The following MEGF11 variants were observed in gnomAD, a reference collection of about 807,000 sequenced individuals.
MEGF11 encodes multiple EGF like domains 11, also known as multiple epidermal growth factor-like domains protein 11.
Under a neutral mutation model 146.6 loss-of-function variants are expected in MEGF11, and 126 were observed. The ratio of observed to expected loss-of-function variants is 0.86; its 90% confidence interval spans 0.74 to 1.00. MEGF11 has a LOEUF of 1.00. Among genes scored for constraint, MEGF11 ranks in the 50% least tolerant of loss-of-function variants. The pLI is 0.00. For synonymous variants in MEGF11, 532 were observed against 583.4 expected (o/e 0.91, Z 1.27); for missense variants, 1,509 against 1,521.2 (o/e 0.99, Z 0.13).
intron 5 of MEGF11, among the ~76,000 whole-genome samples, chr15:66,062,281 T>C (rs1338556331): frequency 1.3e-5 from 2 of 152,252 alleles, no homozygotes; most frequent in East Asian, 1.9e-4. Flanking sequence ...TAATAGAATA[T>C]GGCAAAGATG....
At chr15:65,910,155 A>T (rs919307611) in intron 21 of MEGF11, among the ~76,000 whole-genome samples, 9 of 152,128 alleles carry the variant, frequency 5.9e-5, no homozygotes, top group African/African-American at 2.2e-4. Flanking sequence ...CAGCTGCAAC[A>T]TGAGGCCATC....
At chr15:66,105,185 C>A (rs2087007615) in intron 4 of MEGF11, among the ~76,000 whole-genome samples, 1 of 152,130 alleles carries the variant, frequency 6.6e-6, no homozygotes, top group Non-Finnish European at 1.5e-5. Context: ...AGGGCGGCCA[C>A]TCCTACAAAG....
Position 65,982,535 on chromosome 15 carries a change from C to A in MEGF11, c.395-47G>T. ...GGGATCAGGAGCCCCGAAGGCTCTC[C>A]TTGGGGCAGGGGCCAGGAACCGATG... On this transcript the variant is annotated intron_variant, in intron 5 of 25. Coordinates refer to ENST00000395614, the MANE Select transcript of MEGF11 (RefSeq NM_001385028.1). This position sits in a 1 kb window ranked among gnomAD's most constrained non-coding sequence, Gnocchi z 5.6. 7.0e-7 allele frequency: 1 copy of A among 1,431,996 alleles called. No individual in the cohort carries two copies. Among genetic ancestry groups the A allele is most frequent in the Admixed American group, 2.8e-5 (1 of 35,328 alleles). 88.7% of individuals were successfully genotyped at this position (1,431,996 alleles called of 1,614,324 possible). A position where few individuals can be genotyped will look rare whatever the true frequency, so the allele number is the denominator to read the frequency against.
intron 5 of MEGF11, among the ~76,000 whole-genome samples, chr15:66,003,998 AG>A (rs2082444762): frequency 6.6e-6 from 1 of 152,160 alleles, no homozygotes; most frequent in South Asian, 2.1e-4. Flanking sequence ...CATATGGAAA[AG>A]GGGGTAGGCT....
chr15:66,085,183 A>C (rs62011841), intron 5 of MEGF11, among the ~76,000 whole-genome samples: 15,204 of 152,116 alleles, frequency 0.1, 854 homozygotes, highest in Middle Eastern at 0.17. Context: ...TCTGCCCAAG[A>C]AGAGTCTGAG....
At chr15:66,229,739 CAA>C (rs1217927560) in intron 1 of MEGF11, among the ~76,000 whole-genome samples, 3 of 140,396 alleles carry the variant, frequency 2.1e-5, no homozygotes, top group African/African-American at 8.0e-5. Flanking sequence ...AAAGCCCAGA[CAA>C]CAGAGAGAGC....
chr15:66,072,736 C>A (rs2085419555), intron 5 of MEGF11, among the ~76,000 whole-genome samples: 1 of 152,204 alleles, frequency 6.6e-6, no homozygotes, highest in Non-Finnish European at 1.5e-5. Flanking sequence ...CTTTTTCTAG[C>A]TTTACAGAGC....
intron 1 of MEGF11, among the ~76,000 whole-genome samples, chr15:66,212,138 C>T (rs2091475009): frequency 6.9e-6 from 1 of 145,052 alleles, no homozygotes; most frequent in African/African-American, 2.5e-5. Context: ...AACCCAAAGA[C>T]AGAAAGCAAG....
intron 7 of MEGF11, among the ~76,000 whole-genome samples, chr15:65,975,314 T>C (rs2081413025): frequency 6.6e-6 from 1 of 152,226 alleles, no homozygotes; most frequent in Non-Finnish European, 1.5e-5. Flanking sequence ...CTGTCCTTTT[T>C]AGTACTTCTC....
rs556405172 is a variant in MEGF11, at chr15:66,105,962, G to A, written c.302-11468C>T. On this transcript the variant is annotated intron_variant, in intron 4 of 25. Coordinates refer to ENST00000395614, the MANE Select transcript of MEGF11 (RefSeq NM_001385028.1). ...TTTTCCTCTCTTTCCAGCCAATGCA[G>A]GATAAAGGCAACCAGAGGGGCAGTT... Among the ~76,000 whole-genome samples, 11 of 152,276 alleles carry A rather than the reference G, an allele frequency of 7.2e-5. 1 individual carries two copies. Among genetic ancestry groups the A allele is most frequent in the African/African-American group, 2.6e-4 (11 of 41,562 alleles).
intron 5 of MEGF11, among the ~76,000 whole-genome samples, chr15:66,077,068 A>G (rs2140507412): frequency 6.6e-6 from 1 of 152,342 alleles, no homozygotes; most frequent in East Asian, 1.9e-4. Context: ...ATAAGCCTTC[A>G]GGGGCTCCCC....
At chr15:65,930,974 A>C in intron 10 of MEGF11, 31 bp from the exon 11 acceptor site, 1 of 1,541,162 alleles carries the variant, frequency 6.5e-7, no homozygotes, top group African/African-American at 1.4e-5. Context: ...TTTTGGATCA[A>C]AGGTTGCTCC....
rs1033600726 is a variant in MEGF11 at position 65,982,736 on chromosome 15, C to T, written c.395-248G>A. Among the ~76,000 whole-genome samples the T allele has an allele frequency of 6.6e-6, 1 of 152,166 alleles. No homozygotes were observed. The highest frequency in any genetic ancestry group is 1.5e-5 in the Non-Finnish European group (1 of 68,028). ...TCCTCAAGGCAGCTTCAGAACCTAC[C>T]TCCTGGTCCGGCCATTCTCTTCCAA... On this transcript the variant is annotated intron_variant, in intron 5 of 25. Transcript: ENST00000395614. This position sits in a 1 kb window ranked among gnomAD's most constrained non-coding sequence, Gnocchi z 5.6.
intron 5 of MEGF11, among the ~76,000 whole-genome samples, chr15:66,049,569 G>T (rs1218102066): frequency 6.6e-6 from 1 of 152,174 alleles, no homozygotes; most frequent in Non-Finnish European, 1.5e-5. Flanking sequence ...CATGCCATTT[G>T]CATACTTTAC....
intron 5 of MEGF11, among the ~76,000 whole-genome samples, chr15:66,069,714 A>T (rs1327812008): frequency 6.6e-6 from 1 of 152,232 alleles, no homozygotes; most frequent in East Asian, 1.9e-4. Flanking sequence ...TCTTTAAGGC[A>T]TTGAATATTT....
At chr15:66,197,542 T>G (rs1214004073) in intron 1 of MEGF11, among the ~76,000 whole-genome samples, 1 of 152,024 alleles carries the variant, frequency 6.6e-6, no homozygotes, top group Admixed American at 6.6e-5. Flanking sequence ...CCTGCCTCAG[T>G]CTCCTGAATA....
chr15:66,214,342 C>T (rs966613550), intron 1 of MEGF11, among the ~76,000 whole-genome samples: 3 of 152,140 alleles, frequency 2.0e-5, no homozygotes, highest in African/African-American at 7.2e-5. Context: ...GAGCAGGCCA[C>T]TTCTGAGGAC....
intron 5 of MEGF11, among the ~76,000 whole-genome samples, chr15:66,017,962 C>T (rs1336768401): frequency 6.6e-6 from 1 of 152,154 alleles, no homozygotes; most frequent in Non-Finnish European, 1.5e-5. Flanking sequence ...GCAGGGCAGG[C>T]AAAGAGCCTG....
At chr15:65,992,967 T>G (rs2082100312) in intron 5 of MEGF11, among the ~76,000 whole-genome samples, 1 of 152,104 alleles carries the variant, frequency 6.6e-6, no homozygotes, top group African/African-American at 2.4e-5. Flanking sequence ...CTTTTATACT[T>G]TGTTCAGAAG....
Sources: gnomAD v4.1 joint callset for allele counts (sites outside exome capture counted in the v4.1 genomes callset) on GRCh38, gnomAD v4.1.1 for gene constraint, Gnocchi (gnomAD v3.1) non-coding constraint, MANE v1.5 for transcripts, NCBI Gene and HGNC (gene_info 2026-07-23, HGNC 2026-07-21) for gene names.